Variants in PFKL observed in about 807,000 individuals in gnomAD.
The protein encoded by PFKL is ATP-dependent 6-phosphofructokinase, liver type.
Under a neutral mutation model 92.1 loss-of-function variants are expected in PFKL, and 74 were observed. The ratio of observed to expected loss-of-function variants is 0.80; its 90% CI spans 0.67 to 0.97. The LOEUF is 0.97. Among genes scored for constraint, PFKL ranks in the 50% least tolerant of loss-of-function variants. The probability of loss-of-function intolerance (pLI) is 0.00; values close to 1 mark genes in which losing one functional copy is unlikely to be tolerated. For missense variants in PFKL, 1,028 were observed against 1,116.6 expected (o/e 0.92, Z 1.13); for synonymous variants, 494 against 456.4 (o/e 1.08, Z -1.05).
At chr21:44,314,606 TG>T (rs2047149173) in intron 7 of PFKL, 1 of 130,028 alleles carries the variant, frequency 7.7e-6, no homozygotes, top group Admixed American at 7.8e-5. Context: ...GGGTGCCTGG[TG>T]GGGAGGGGTG....
chr21:44,324,989 G>A, intron 18 of PFKL, 72 bp downstream of exon 18: 3 of 1,449,406 alleles, frequency 2.1e-6, no homozygotes, highest in Non-Finnish European at 2.9e-6. Flanking sequence ...CTGCTGAGGA[G>A]CGGCTGGGCA....
At chr21:44,305,946 C>T (rs962683270) in intron 1 of PFKL, 2 of 1,348,458 alleles carry the variant, frequency 1.5e-6, no homozygotes, top group Non-Finnish European at 2.0e-6. Flanking sequence ...GTGAGGGTCC[C>T]TGAGGCCCTG....
rs148692371 is a variant in PFKL at position 44,323,981 on chromosome 21, C to T, written c.1650+63C>T. The T allele has an allele frequency of 3.4e-4, 534 of 1,589,244 alleles. 2 individuals are homozygous for T. In the African/African-American group the frequency reaches 4.4e-3, roughly 13 times the overall value. On this transcript the variant is annotated intron_variant, in intron 16 of 21. Coordinates refer to ENST00000349048, the MANE Select transcript of PFKL (RefSeq NM_002626.6). ...CCCTTGTGGGGTGGGGCTGAGCCTA[C>T]GGAGGCTGCTGGAGGGGATAGTGTG...
intron 19 of PFKL, chr21:44,325,592 C>T: frequency 2.0e-6 from 1 of 498,998 alleles, no homozygotes; most frequent in East Asian, 3.5e-5. Flanking sequence ...TATGGTGGCC[C>T]TGCAGGAAGC....
At chr21:44,311,525 CAG>C (rs1460386625) in intron 3 of PFKL, among the ~76,000 whole-genome samples, 21 of 152,230 alleles carry the variant, frequency 1.4e-4, no homozygotes, top group Non-Finnish European at 2.8e-4. Context: ...CATATGTACT[CAG>C]AGTCACACAC....
At chr21:44,308,473 C>T (rs947604265) in intron 2 of PFKL, among the ~76,000 whole-genome samples, 3 of 151,726 alleles carry the variant, frequency 2.0e-5, no homozygotes, top group African/African-American at 7.3e-5. Context: ...TGTGAATAGG[C>T]ATGGAGAGGT....
At chr21:44,312,713 C>G (rs903745367) in intron 4 of PFKL, among the ~76,000 whole-genome samples, 1 of 152,228 alleles carries the variant, frequency 6.6e-6, no homozygotes, top group African/African-American at 2.4e-5. Context: ...ATGTCTGTTC[C>G]ATGTCCCTCA....
Position 44,316,489 on chromosome 21 carries a change from C to T in PFKL, c.901C>T (p.Arg301Trp), listed in dbSNP as rs777049913. ...TGTAACTGTGCTGGGCCACGTGCAG[C>T]GGGGAGGGACGCCCTCTGCCTTCGA... ...TRVTVLGHVQ[R>W]GGTPSAFDRI... The change falls in exon 9 of 22, where the codon CGG (arginine) becomes TGG (tryptophan). Residue 301 changes from arginine to tryptophan, a missense_variant. Transcript: ENST00000349048. 34 of 1,605,812 alleles carry T rather than the reference C, an allele frequency of 2.1e-5. No homozygotes were observed. The highest frequency in any genetic ancestry group is 2.2e-5 in the Non-Finnish European group (26 of 1,174,962).
chr21:44,318,301 G>T (rs941303955), intron 9 of PFKL, among the ~76,000 whole-genome samples, 169 bp from the exon 10 acceptor site: 1 of 152,240 alleles, frequency 6.6e-6, no homozygotes, highest in South Asian at 2.1e-4. Flanking sequence ...CTGGTGTGCC[G>T]TCGTGAATGC....
At chr21:44,314,334 TG>T in intron 7 of PFKL, 1 of 332,606 alleles carries the variant, frequency 3.0e-6, no homozygotes, top group South Asian at 4.4e-5. Flanking sequence ...CTGCTGAGCC[TG>T]GGGCGGTGGG....
At chr21:44,317,957 C>T (rs1008791982) in intron 9 of PFKL, among the ~76,000 whole-genome samples, 2 of 152,254 alleles carry the variant, frequency 1.3e-5, no homozygotes, top group African/African-American at 2.4e-5. Context: ...CCACGGCAAC[C>T]GCAGGCCTGG....
At chr21:44,305,707 C>A in intron 1 of PFKL, 1 of 1,232,206 alleles carries the variant, frequency 8.1e-7, no homozygotes, top group Non-Finnish European at 1.1e-6. Context: ...TCATGGATAT[C>A]TTTTGAGATG....
At position 44,303,441 on chromosome 21, in the gene PFKL, A is replaced by G. The variant is rs867758085; in HGVS notation, c.86-3240A>G. On this transcript the variant is annotated intron_variant, in intron 1 of 21. Transcript: ENST00000349048. Reference sequence around the variant, plus strand: ...AAAAAAACAGACTTGACCAAAAAAAAAAAAAAAAAAAAAATGGCCCGGCCT... The same window carrying G: ...AAAAAAACAGACTTGACCAAAAAAAGAAAAAAAAAAAAAATGGCCCGGCCT... Among the ~76,000 whole-genome samples, 76 of 97,124 alleles carry G rather than the reference A, an allele frequency of 7.8e-4. 6 individuals carry two copies. Among genetic ancestry groups the G allele is most frequent in the East Asian group, 7.5e-3 (28 of 3,724 alleles). 63.7% of individuals were successfully genotyped at this position (97,124 alleles called of 152,430 possible). A position where few individuals can be genotyped will look rare whatever the true frequency, so the allele number is the denominator to read the frequency against.
chr21:44,308,559 A>ATTT (rs532812261), intron 2 of PFKL, among the ~76,000 whole-genome samples: 25 of 133,612 alleles, frequency 1.9e-4, no homozygotes, highest in African/African-American at 4.8e-4. Flanking sequence ...GGGGGTAGGA[A>ATTT]TTTTTTTTTT....
chr21:44,311,337 C>T (rs1178865696), intron 3 of PFKL, among the ~76,000 whole-genome samples: 1 of 149,668 alleles, frequency 6.7e-6, no homozygotes, highest in Non-Finnish European at 1.5e-5. Flanking sequence ...CAGACATGCA[C>T]ACATACAGAC....
chr21:44,314,173 G>T (rs1480496841), intron 7 of PFKL, 152 bp downstream of exon 7: 5 of 632,648 alleles, frequency 7.9e-6, no homozygotes, highest in Non-Finnish European at 1.4e-5. Flanking sequence ...CACGCAAGGA[G>T]TGGGGGGCTA....
At chr21:44,325,933 C>T in intron 19 of PFKL, 28 bp from the exon 20 acceptor site, 1 of 1,584,692 alleles carries the variant, frequency 6.3e-7, no homozygotes, top group Non-Finnish European at 8.6e-7. Context: ...CAGGGGAGTC[C>T]AGGGAACCGG....
Position 44,326,965 on chromosome 21 carries a change from G to T in PFKL, c.*103G>T, listed in dbSNP as rs1389185041. 2 of 1,095,650 alleles carry T rather than the reference G, an allele frequency of 1.8e-6. No individual in the cohort carries two copies. Among genetic ancestry groups the T allele is most frequent in the Non-Finnish European group, 1.3e-6 (1 of 750,490 alleles). 67.9% of individuals were successfully genotyped at this position (1,095,650 alleles called of 1,614,324 possible). On this transcript the variant is annotated 3_prime_UTR_variant, in exon 22 of 22. Transcript: ENST00000349048. Reference sequence around the variant, plus strand: ...TTGTGTCTGGAGCCTGCAGGCAGGTGGGGGCTGCGTCCCTGCTCAGCCCAT... The same window carrying T: ...TTGTGTCTGGAGCCTGCAGGCAGGTTGGGGCTGCGTCCCTGCTCAGCCCAT...
At chr21:44,303,119 A>T (rs2040821484) in intron 1 of PFKL, among the ~76,000 whole-genome samples, 1 of 152,098 alleles carries the variant, frequency 6.6e-6, no homozygotes, top group South Asian at 2.1e-4. Context: ...CTGTAATCCC[A>T]GCTACTCAGG....
Sources: allele counts gnomAD v4.1 joint callset (sites outside exome capture counted in the v4.1 genomes callset), GRCh38; gene constraint gnomAD v4.1.1; transcripts MANE v1.5; gene names NCBI Gene and HGNC (gene_info 2026-07-23, HGNC 2026-07-21).